FRG1: variants seen among roughly 807,000 people sequenced by gnomAD.
FRG1 encodes protein FRG1.
In FRG1, 19 loss-of-function variants were observed where a neutral mutation model predicts 37.0. The ratio of observed to expected loss-of-function variants is 0.51; its 90% confidence interval spans 0.36 to 0.75. The LOEUF is 0.75. FRG1 is among the 30% of genes least tolerant of loss of function. The pLI is 0.00. For missense variants in FRG1, 243 were observed against 301.4 expected, an observed-to-expected ratio of 0.81 and a Z score of 1.44; for synonymous variants, 73 against 96.5, an observed-to-expected ratio of 0.76 and a Z score of 1.43.
chr4:189,948,331 A>G (rs574953023), intron 2 of FRG1, among the ~76,000 whole-genome samples: 54 of 152,342 alleles, frequency 3.5e-4, no homozygotes, highest in South Asian at 1.0e-3. Context: ...TCTGTAGGCA[A>G]AGAGTTTCAC....
chr4:189,943,922 G>A (rs1003924816), intron 2 of FRG1, among the ~76,000 whole-genome samples: 2 of 152,070 alleles, frequency 1.3e-5, no homozygotes, highest in Admixed American at 6.5e-5. Context: ...TTTCAAAATG[G>A]CAAATCAACA....
At chr4:189,957,571 T>C in intron 6 of FRG1, 69 bp downstream of exon 6, 1 of 1,331,722 alleles carries the variant, frequency 7.5e-7, no homozygotes, top group Admixed American at 1.9e-5. Flanking sequence ...TTTAAAATGT[T>C]AAATGGTCAT....
chr4:189,962,191 T>C (rs1487892466), intron 8 of FRG1, among the ~76,000 whole-genome samples: 2 of 152,196 alleles, frequency 1.3e-5, no homozygotes, highest in African/African-American at 4.8e-5. Flanking sequence ...CATAAATTTA[T>C]CATCTTTTTA....
chr4:189,953,726 C>T (rs1308516517), intron 4 of FRG1, among the ~76,000 whole-genome samples: 1 of 150,908 alleles, frequency 6.6e-6, no homozygotes, highest in Non-Finnish European at 1.5e-5. Flanking sequence ...TTCTGGCATC[C>T]CAGGAGATTC....
rs1484844724 is a variant in FRG1 at position 189,940,960 on chromosome 4, A to G, written c.-50A>G. On this transcript the variant is annotated 5_prime_UTR_variant, in exon 1 of 9. It adds an upstream start codon to the 5' untranslated region. Coordinates refer to ENST00000226798, the MANE Select transcript of FRG1 (RefSeq NM_004477.3). ...GCCCCTGTGCTGCCCCGACTCACAT[A>G]CTCGTCCAGAACCGGCCTCAGCCTC... The G allele has an allele frequency of 1.3e-6, 2 of 1,495,330 alleles. No homozygotes were observed. The highest frequency in any genetic ancestry group is 9.3e-7 in the Non-Finnish European group (1 of 1,076,950). The allele number at this position is 1,495,330 out of a possible 1,614,324, so 92.6% of individuals were successfully genotyped here. A position where few individuals can be genotyped will look rare whatever the true frequency, so the allele number is the denominator to read the frequency against.
intron 6 of FRG1, among the ~76,000 whole-genome samples, chr4:189,960,133 G>C (rs942350418): frequency 1.3e-5 from 2 of 152,222 alleles, no homozygotes; most frequent in Non-Finnish European, 2.9e-5. Context: ...TCTGGCCACA[G>C]AGATCCCTTA....
At chr4:189,946,328 CA>C (rs1185876432) in intron 2 of FRG1, among the ~76,000 whole-genome samples, 2 of 124,748 alleles carry the variant, frequency 1.6e-5, no homozygotes, top group African/African-American at 5.8e-5. Context: ...AAAAAAAAAG[CA>C]AAAAAATCTC....
In FRG1 at chr4:189,943,572, A is replaced by G. The variant is rs141931497; in HGVS notation, c.133+300A>G. Among the ~76,000 whole-genome samples the G allele has an allele frequency of 9.9e-3, 1,504 of 152,314 alleles. 7 individuals carry two copies. The highest frequency in any genetic ancestry group is 0.015 in the Non-Finnish European group (998 of 68,018). On this transcript the variant is annotated intron_variant, in intron 2 of 8. Coordinates refer to ENST00000226798, the MANE Select transcript of FRG1 (RefSeq NM_004477.3). The stretch of plus-strand genomic sequence containing the variant: ...GCCTAATGTAAATGTTATTCAACCA[A>G]ATATCTTTTACAAGTTATTTTCTTT...
At chr4:189,955,507 G>A (rs76506360) in intron 5 of FRG1, among the ~76,000 whole-genome samples, 2 of 152,116 alleles carry the variant, frequency 1.3e-5, no homozygotes, top group Non-Finnish European at 2.9e-5. Context: ...GACTGTAAGC[G>A]AACAGTGGAG....
chr4:189,960,337 G>C (rs548761442), intron 6 of FRG1, among the ~76,000 whole-genome samples: 1 of 152,316 alleles, frequency 6.6e-6, no homozygotes, highest in Admixed American at 6.5e-5. Context: ...TTAATACTTT[G>C]GTAATAGTCT....
chr4:189,961,669 A>G, intron 7 of FRG1, 153 bp from the exon 8 acceptor site: 1 of 485,230 alleles, frequency 2.1e-6, no homozygotes. Context: ...TGGCCTCCCA[A>G]AGTGCTGGGA....
Position 189,961,885 on chromosome 4 carries a change from TAAA to T in FRG1, c.696_698del (p.Lys233del), listed in dbSNP as rs1737253090. 1 of 1,600,374 alleles carries T rather than the reference TAAA, an allele frequency of 6.2e-7. No homozygotes were observed. The highest frequency in any genetic ancestry group is 1.3e-5 in the African/African-American group (1 of 74,314). ...TAAGTAAAGAAGACAGTAAAATTCTTAAAAAGGCTCGGAAAGATGGATTTTTGC... is the reference window on the plus strand; with the variant it reads ...TAAGTAAAGAAGACAGTAAAATTCTTAAGGCTCGGAAAGATGGATTTTTGC... On this transcript the variant is annotated inframe_deletion, in exon 8 of 9. Transcript: ENST00000226798.
intron 2 of FRG1, 126 bp downstream of exon 2, chr4:189,943,398 T>C (rs1238724086): frequency 1.9e-6 from 2 of 1,039,686 alleles, no homozygotes; most frequent in Admixed American, 4.9e-5. Context: ...AAATATTACC[T>C]ACAGTTATAA....
chr4:189,940,977 C>G lies in FRG1; in HGVS notation c.-33C>G. On this transcript the variant is annotated 5_prime_UTR_variant, in exon 1 of 9. Transcript: ENST00000226798. ...ACTCACATACTCGTCCAGAACCGGC[C>G]TCAGCCTCTCCGCGCAGAAGTTTCC... 1.3e-6 allele frequency: 2 copies of G among 1,595,558 alleles called. No homozygotes were observed. The highest frequency in any genetic ancestry group is 1.7e-6 in the Non-Finnish European group (2 of 1,164,640).
chr4:189,943,336 T>C (rs1217671560), intron 2 of FRG1, 64 bp downstream of exon 2: 22 of 1,543,212 alleles, frequency 1.4e-5, no homozygotes, highest in Non-Finnish European at 1.9e-5. Context: ...TCCTTGAAAG[T>C]GTTTTCCTAG....
chr4:189,959,342 T>C (rs1737132016), intron 6 of FRG1, among the ~76,000 whole-genome samples: 1 of 152,166 alleles, frequency 6.6e-6, no homozygotes, highest in Admixed American at 6.5e-5. Context: ...GTGAGGTGGA[T>C]GTGAGCTCAG....
At chr4:189,959,045 C>T (rs985328514) in intron 6 of FRG1, among the ~76,000 whole-genome samples, 3 of 152,150 alleles carry the variant, frequency 2.0e-5, no homozygotes, top group African/African-American at 7.2e-5. Context: ...TTCTAAAATG[C>T]CCTTCGTTCT....
At chr4:189,960,638 A>T in intron 6 of FRG1, 110 bp from the exon 7 acceptor site, 1 of 1,134,260 alleles carries the variant, frequency 8.8e-7, no homozygotes, top group South Asian at 1.7e-5. Context: ...TGCTCAGTTA[A>T]TTTTTTCTTC....
At chr4:189,951,819 C>T (rs1357258736) in intron 2 of FRG1, among the ~76,000 whole-genome samples, 2 of 152,122 alleles carry the variant, frequency 1.3e-5, no homozygotes, top group Non-Finnish European at 2.9e-5. Flanking sequence ...CATGCACCCC[C>T]ATGCCTGGCT....
Sources: gnomAD v4.1 joint callset for allele counts (sites outside exome capture counted in the v4.1 genomes callset) on GRCh38, gnomAD v4.1.1 for gene constraint, MANE v1.5 for transcripts, NCBI Gene and HGNC (gene_info 2026-07-23, HGNC 2026-07-21) for gene names.